DDAH1: variants seen among roughly 807,000 people sequenced by gnomAD.
The protein encoded by DDAH1 is dimethylarginine dimethylaminohydrolase 1.
A neutral mutation model predicts 28.8 loss-of-function variants in DDAH1; 19 were observed. That is an observed-to-expected ratio of 0.66 (90% CI 0.46 to 0.97). The LOEUF (loss-of-function observed/expected upper bound fraction) is 0.97, where lower values mean the gene tolerates loss of function less well. DDAH1 is among the 50% of genes least tolerant of loss of function. The pLI, the probability that DDAH1 is intolerant of heterozygous loss-of-function variation, is 0.00. For missense variants in DDAH1, 326 were observed against 375.9 expected (o/e 0.87, Z 1.10); for synonymous variants, 153 against 154.4 (o/e 0.99, Z 0.07).
At chr1:85,333,253 G>A (rs233059) in intron 4 of DDAH1, among the ~76,000 whole-genome samples, 52,737 of 151,796 alleles carry the variant, frequency 0.35, 9,233 homozygotes, top group South Asian at 0.4. Flanking sequence ...TATGGAGACT[G>A]CACCACCATA....
intron 2 of DDAH1, among the ~76,000 whole-genome samples, chr1:85,471,216 T>G (rs1170455194): frequency 1.3e-5 from 2 of 152,222 alleles, no homozygotes; most frequent in African/African-American, 4.8e-5. Context: ...TAGCTTCTGC[T>G]GGCGGCCCCT....
At chr1:85,492,835 A>T (rs1656452446) in intron 2 of DDAH1, among the ~76,000 whole-genome samples, 1 of 152,116 alleles carries the variant, frequency 6.6e-6, no homozygotes. Flanking sequence ...ACTCTCAAAC[A>T]ATGTCAAGGG....
chr1:85,399,431 A>C (rs1396123484), intron 1 of DDAH1: 1 of 152,250 alleles, frequency 6.6e-6, no homozygotes, highest in Admixed American at 6.5e-5. Flanking sequence ...TTGGTCATGC[A>C]CTCACCCAGG....
intron 4 of DDAH1, among the ~76,000 whole-genome samples, chr1:85,332,902 C>T (rs986439569): frequency 6.6e-6 from 1 of 152,148 alleles, no homozygotes; most frequent in Non-Finnish European, 1.5e-5. Context: ...CTGGGCTGCC[C>T]AGCCCATTGC....
At chr1:85,510,381 G>A (rs190777577) in intron 1 of DDAH1, among the ~76,000 whole-genome samples, 21 of 152,284 alleles carry the variant, frequency 1.4e-4, no homozygotes, top group Admixed American at 8.5e-4. Context: ...ACCGGAACCA[G>A]CTGCTGCAAA....
chr1:85,577,473 T>C lies in DDAH1; in HGVS notation c.-123+511A>G, dbSNP rs138798620. On this transcript the variant is annotated intron_variant, in intron 1 of 6. Coordinates refer to the DDAH1 transcript ENST00000426972. ...GGTTGGGTGTGCAGCCGAGGATCTATGAAGACACACACACACACCCCTACT... is the reference window on the plus strand; with the variant it reads ...GGTTGGGTGTGCAGCCGAGGATCTACGAAGACACACACACACACCCCTACT... 1.2e-4 allele frequency among the ~76,000 whole-genome samples: 19 copies of C among 152,268 alleles called. No individual in the cohort carries two copies. In the East Asian group the frequency reaches 3.5e-3, roughly 28 times the overall value.
chr1:85,481,091 G>GT (rs779581650), intron 2 of DDAH1, among the ~76,000 whole-genome samples: 4,373 of 90,900 alleles, frequency 0.048, 177 homozygotes, highest in African/African-American at 0.15. Context: ...ATTTCTTTGG[G>GT]TTTTTTGTTT....
Position 85,464,595 on chromosome 1 carries a change from C to CAA in DDAH1, c.303+147_303+148insTT. On this transcript the variant is annotated intron_variant, in intron 1 of 5. Coordinates refer to ENST00000284031, the MANE Select transcript of DDAH1 (RefSeq NM_012137.4). The surrounding 1 kb of genome is among the most constrained non-coding windows in gnomAD (Gnocchi z 4.4). ...AACTTCTCTCTGACTCTCTGACACA[C>CAA]ACACACACACACACACTCGCCCCCC... 7.3e-7 allele frequency: 1 copy of CAA among 1,367,538 alleles called. No individual in the cohort carries two copies. Among genetic ancestry groups the CAA allele is most frequent in the African/African-American group, 1.4e-5 (1 of 70,688 alleles). 84.7% of individuals were successfully genotyped at this position (1,367,538 alleles called of 1,614,324 possible).
At chr1:85,443,338 G>T (rs1267554350) in intron 1 of DDAH1, among the ~76,000 whole-genome samples, 1 of 152,152 alleles carries the variant, frequency 6.6e-6, no homozygotes, top group Non-Finnish European at 1.5e-5. Flanking sequence ...GATGGTTGTA[G>T]ATGTGTGGTA....
chr1:85,400,181 T>TTTTTCTTTC (rs1557582135), intron 1 of DDAH1, among the ~76,000 whole-genome samples: 1 of 24,886 alleles, frequency 4.0e-5, no homozygotes, highest in African/African-American at 1.3e-4. Context: ...TCTTTTCTTT[T>TTTTTCTTTC]TTTTTTTTTT....
intron 1 of DDAH1, among the ~76,000 whole-genome samples, chr1:85,523,694 G>A (rs1320433242): frequency 1.3e-5 from 2 of 152,088 alleles, no homozygotes; most frequent in African/African-American, 4.8e-5. Context: ...ACAGAGCCTG[G>A]CATAAAGCAA....
At chr1:85,452,321 A>C (rs1654698740) in intron 1 of DDAH1, among the ~76,000 whole-genome samples, 1 of 152,220 alleles carries the variant, frequency 6.6e-6, no homozygotes, top group Non-Finnish European at 1.5e-5. Flanking sequence ...TGTTGACAAC[A>C]ACAACGACAT....
intron 1 of DDAH1, among the ~76,000 whole-genome samples, chr1:85,434,268 A>G (rs1162050471): frequency 6.6e-6 from 1 of 152,200 alleles, no homozygotes; most frequent in Non-Finnish European, 1.5e-5. Flanking sequence ...ATGATTAATC[A>G]GTTGCCTAGC....
At chr1:85,493,886 G>A (rs1489760861) in intron 2 of DDAH1, 1 of 152,148 alleles carries the variant, frequency 6.6e-6, no homozygotes, top group African/African-American at 2.4e-5. Flanking sequence ...TATAAGAAAG[G>A]TTTATTGGCT....
At chr1:85,558,419 G>A (rs1381511430) in intron 1 of DDAH1, among the ~76,000 whole-genome samples, 1 of 152,176 alleles carries the variant, frequency 6.6e-6, no homozygotes. Context: ...TCTGTTCCAT[G>A]GATATAAATT....
intron 1 of DDAH1, among the ~76,000 whole-genome samples, chr1:85,563,702 A>G (rs1659204486): frequency 6.6e-6 from 1 of 152,240 alleles, no homozygotes. Context: ...AGAAAAATTA[A>G]TCAATGTAAA....
chr1:85,382,615 A>T (rs1651050621), intron 1 of DDAH1, among the ~76,000 whole-genome samples: 1 of 152,242 alleles, frequency 6.6e-6, no homozygotes, highest in Non-Finnish European at 1.5e-5. Context: ...AATTAAATCC[A>T]GTAGCCTTAT....
intron 1 of DDAH1, among the ~76,000 whole-genome samples, chr1:85,417,253 G>A (rs1230285990): frequency 6.6e-6 from 1 of 152,202 alleles, no homozygotes; most frequent in African/African-American, 2.4e-5. Context: ...GTTGGCGCTG[G>A]TGAAGGACAG....
intron 4 of DDAH1, among the ~76,000 whole-genome samples, chr1:85,340,638 CTG>C (rs890675017): frequency 1.3e-5 from 2 of 152,182 alleles, no homozygotes; most frequent in Non-Finnish European, 2.9e-5. Context: ...TATTCATAGA[CTG>C]TGCTGTGCAA....
Sources: allele counts gnomAD v4.1 joint callset (sites outside exome capture counted in the v4.1 genomes callset), GRCh38; gene constraint gnomAD v4.1.1; non-coding constraint Gnocchi (gnomAD v3.1); transcripts MANE v1.5; gene names NCBI Gene and HGNC (gene_info 2026-07-23, HGNC 2026-07-21).